TAFA1: variants seen among roughly 807,000 people sequenced by gnomAD.
TAFA1 encodes the protein TAFA chemokine like family member 1, also known as chemokine-like protein TAFA-1.
A neutral mutation model predicts 18.5 loss-of-function variants in TAFA1; 4 were observed. The observed-to-expected ratio is 0.22, with a 90% CI of 0.11 to 0.49. TAFA1 has a LOEUF of 0.49. TAFA1 is among the 20% of genes least tolerant of loss of function. The pLI is 0.98. For missense variants in TAFA1, 147 were observed against 169.0 expected (o/e 0.87, Z 0.72); for synonymous variants, 56 against 55.2 (o/e 1.01, Z -0.06).
intron 2 of TAFA1, among the ~76,000 whole-genome samples, chr3:68,400,440 A>G (rs1327287519): frequency 6.6e-6 from 1 of 152,220 alleles, no homozygotes; most frequent in Non-Finnish European, 1.5e-5. Flanking sequence ...AACTAAGTCT[A>G]TACATACAAT....
intron 2 of TAFA1, among the ~76,000 whole-genome samples, chr3:68,279,731 A>G (rs184685577): frequency 2.6e-3 from 389 of 152,310 alleles, no homozygotes; most frequent in African/African-American, 8.4e-3. Context: ...TGTAATATTA[A>G]GTCATAATAT....
intron 2 of TAFA1, among the ~76,000 whole-genome samples, chr3:68,379,586 G>A (rs540869472): frequency 6.6e-6 from 1 of 152,150 alleles, no homozygotes; most frequent in Non-Finnish European, 1.5e-5. Flanking sequence ...TGTCAAGAAT[G>A]GTATTGCCAA....
At chr3:68,484,731 A>C (rs747128027) in intron 3 of TAFA1, among the ~76,000 whole-genome samples, 1 of 152,206 alleles carries the variant, frequency 6.6e-6, no homozygotes, top group Non-Finnish European at 1.5e-5. Flanking sequence ...GTAGTTTCTC[A>C]TATTTCAAAA....
intron 2 of TAFA1, among the ~76,000 whole-genome samples, chr3:68,340,340 C>T (rs1426346997): frequency 6.6e-6 from 1 of 152,184 alleles, no homozygotes; most frequent in East Asian, 1.9e-4. Flanking sequence ...AAATAAGCTA[C>T]ATGAAATCCA....
At chr3:68,370,160 C>G (rs1024026269) in intron 2 of TAFA1, among the ~76,000 whole-genome samples, 1 of 146,720 alleles carries the variant, frequency 6.8e-6, no homozygotes. Flanking sequence ...ATGTGGCAGG[C>G]GCCTGTAGTC....
chr3:68,307,729 G>GTTT (rs1392063523), intron 2 of TAFA1, among the ~76,000 whole-genome samples: 3 of 152,152 alleles, frequency 2.0e-5, no homozygotes, highest in African/African-American at 4.8e-5. Flanking sequence ...TCTTGATTTA[G>GTTT]CATATTAGTT....
chr3:68,017,953 T>C (rs1002675680), intron 2 of TAFA1, among the ~76,000 whole-genome samples: 3 of 135,838 alleles, frequency 2.2e-5, no homozygotes, highest in South Asian at 2.7e-4. Context: ...ACTTTGAAGG[T>C]TGGGTAGGAA....
intron 3 of TAFA1, among the ~76,000 whole-genome samples, chr3:68,477,876 A>G (rs2072134623): frequency 1.3e-5 from 2 of 152,190 alleles, no homozygotes; most frequent in Admixed American, 1.3e-4. Context: ...GAGGTAACTC[A>G]TTGTCATTTT....
intron 2 of TAFA1, among the ~76,000 whole-genome samples, chr3:68,384,563 C>T (rs2070049405): frequency 6.6e-6 from 1 of 152,002 alleles, no homozygotes; most frequent in Non-Finnish European, 1.5e-5. Flanking sequence ...TTTGCATTTG[C>T]TGAAAAGTGT....
Position 68,368,428 on chromosome 3 carries a change from G to A in TAFA1, c.119-48852G>A, listed in dbSNP as rs186830008. Among the ~76,000 whole-genome samples, 318 of 152,246 alleles carry A rather than the reference G, an allele frequency of 2.1e-3. 3 individuals are homozygous for A. Among genetic ancestry groups the A allele is most frequent in the East Asian group, 3.3e-3 (17 of 5,184 alleles). ...ATTTTAGTGACTTTATCACTAGACC[G>A]CAAAATCATTTCTGATGGGCCTTGA... On this transcript the variant is annotated intron_variant, in intron 2 of 4. Coordinates refer to ENST00000478136, the MANE Select transcript of TAFA1 (RefSeq NM_213609.4).
chr3:68,309,465 G>A (rs2068478850), intron 2 of TAFA1, among the ~76,000 whole-genome samples: 1 of 152,052 alleles, frequency 6.6e-6, no homozygotes, highest in South Asian at 2.1e-4. Context: ...AAATAGCCAA[G>A]AGAAAATTTA....
chr3:68,190,028 G>A (rs2066318975), intron 2 of TAFA1, among the ~76,000 whole-genome samples: 1 of 151,928 alleles, frequency 6.6e-6, no homozygotes, highest in Non-Finnish European at 1.5e-5. Flanking sequence ...TACTGTGGTT[G>A]AATGAATTGT....
chr3:68,124,442 A>C (rs984730700), intron 2 of TAFA1, among the ~76,000 whole-genome samples: 5 of 152,186 alleles, frequency 3.3e-5, no homozygotes, highest in African/African-American at 9.7e-5. Flanking sequence ...CTGAGACTGT[A>C]TATAAAATTG....
At chr3:68,013,941 T>C (rs933784077) in intron 2 of TAFA1, among the ~76,000 whole-genome samples, 7 of 152,194 alleles carry the variant, frequency 4.6e-5, no homozygotes, top group African/African-American at 1.7e-4. Context: ...TCAAACCAAG[T>C]TGTTCTCTGA....
At chr3:68,470,781 C>T (rs1041868522) in intron 3 of TAFA1, among the ~76,000 whole-genome samples, 2 of 152,140 alleles carry the variant, frequency 1.3e-5, no homozygotes, top group Non-Finnish European at 1.5e-5. Flanking sequence ...AATTTGCAGC[C>T]TGACGATGCA....
chr3:68,430,871 A>G (rs2071156685), intron 3 of TAFA1, among the ~76,000 whole-genome samples: 1 of 151,996 alleles, frequency 6.6e-6, no homozygotes, highest in South Asian at 2.1e-4. Context: ...GTTCTTTTCA[A>G]TTCTGCTTAC....
chr3:68,088,515 T>A (rs2064997019), intron 2 of TAFA1, among the ~76,000 whole-genome samples: 1 of 152,206 alleles, frequency 6.6e-6, no homozygotes, highest in Non-Finnish European at 1.5e-5. Flanking sequence ...TTCAGTTTCC[T>A]GCTCTGAAAA....
rs1043002354 is a variant in TAFA1 at position 68,368,523 on chromosome 3, A to G, written c.119-48757A>G. 2.6e-5 allele frequency among the ~76,000 whole-genome samples: 4 copies of G among 152,138 alleles called. No individual in the cohort carries two copies. In the South Asian group the frequency reaches 8.3e-4, roughly 32 times the overall value. On this transcript the variant is annotated intron_variant, in intron 2 of 4. Coordinates refer to ENST00000478136, the MANE Select transcript of TAFA1 (RefSeq NM_213609.4). The stretch of plus-strand genomic sequence containing the variant: ...AAAAAGAAATCCCATTACACAGAAC[A>G]TCATAAAGACAGCAGGGATGTCAGA...
At chr3:68,274,003 G>A (rs1039090216) in intron 2 of TAFA1, among the ~76,000 whole-genome samples, 5 of 152,088 alleles carry the variant, frequency 3.3e-5, no homozygotes, top group African/African-American at 1.2e-4. Context: ...GCTCTTACCA[G>A]CTTTCTTGCC....
Sources: gnomAD v4.1 joint callset for allele counts (sites outside exome capture counted in the v4.1 genomes callset) on GRCh38, gnomAD v4.1.1 for gene constraint, MANE v1.5 for transcripts, NCBI Gene and HGNC (gene_info 2026-07-23, HGNC 2026-07-21) for gene names.